KCNQ1: variants seen among roughly 807,000 people sequenced by gnomAD.
KCNQ1 encodes potassium voltage-gated channel subfamily Q member 1, also known as potassium voltage-gated channel subfamily KQT member 1.
KCNQ1 carries 49 observed loss-of-function variants against 72.4 expected under a neutral mutation model. The observed-to-expected ratio is 0.68, with a 90% CI of 0.54 to 0.86. KCNQ1 has a LOEUF of 0.86. Among genes scored for constraint, KCNQ1 ranks in the 40% least tolerant of loss-of-function variants. The probability of loss-of-function intolerance (pLI) is 0.00; values close to 1 mark genes in which losing one functional copy is unlikely to be tolerated. For synonymous variants in KCNQ1, 450 were observed against 412.6 expected, an observed-to-expected ratio of 1.09 and a Z score of -1.10; for missense variants, 790 against 945.1, an observed-to-expected ratio of 0.84 and a Z score of 2.15.
At chr11:2,742,888 A>G (rs2237875) in intron 11 of KCNQ1, among the ~76,000 whole-genome samples, 17,003 of 152,098 alleles carry the variant, frequency 0.11, 1,512 homozygotes, top group East Asian at 0.51. Context: ...CCGAGCCCCC[A>G]CACCTGTGGT....
In KCNQ1 at chr11:2,627,658, TTGTGTGTGTGTATATA is replaced by T. The variant is rs1849282892; in HGVS notation, c.1394-34291_1394-34276del. The T allele has an allele frequency of 7.5e-6, 3 of 398,484 alleles. No individual in the cohort carries two copies. Among genetic ancestry groups the T allele is most frequent in the East Asian group, 7.1e-5 (2 of 28,072 alleles). 24.7% of individuals were successfully genotyped at this position (398,484 alleles called of 1,614,324 possible). On this transcript the variant is annotated intron_variant, in intron 10 of 15. Coordinates refer to ENST00000155840, the MANE Select transcript of KCNQ1 (RefSeq NM_000218.3). This position sits in a 1 kb window ranked among gnomAD's most constrained non-coding sequence, Gnocchi z 4.9. ...TGCTTTTTAAAGGATGAATATTTCA[TTGTGTGTGTGTATATA>T]TGTGTGTGTGTGTGTCTGTATGTAT...
At chr11:2,774,076 A>G (rs916625783) in intron 12 of KCNQ1, among the ~76,000 whole-genome samples, 1 of 151,978 alleles carries the variant, frequency 6.6e-6, no homozygotes, top group African/African-American at 2.4e-5. Context: ...AAGAGAACTC[A>G]GTATCTCCAT....
In KCNQ1 at chr11:2,687,140, C is replaced by T. The variant is rs151209; in HGVS notation, c.1514+25059C>T. 1 of 398,664 alleles carries T rather than the reference C, an allele frequency of 2.5e-6. No homozygotes were observed. The highest frequency in any genetic ancestry group is 4.4e-5 in the Admixed American group (1 of 22,748). 24.7% of individuals were successfully genotyped at this position (398,664 alleles called of 1,614,324 possible). ...CAAACTGCACAGGGAGGGGAGGAAT[C>T]TGAGCCAGCTTCCTCCACAAAGCAC... is the stretch of plus-strand genomic sequence containing the variant. On this transcript the variant is annotated intron_variant, in intron 11 of 15. Transcript: ENST00000155840. The surrounding 1 kb of genome is among the most constrained non-coding windows in gnomAD (Gnocchi z 5.0).
chr11:2,634,293 A>G (rs1298981928), intron 10 of KCNQ1: 3 of 323,008 alleles, frequency 9.3e-6, no homozygotes, highest in Non-Finnish European at 1.1e-5. Context: ...TACCTTAGGT[A>G]TATCTCCTAA....
At position 2,781,900 on chromosome 11, in the gene KCNQ1, C is replaced by T. The variant is rs567920161; in HGVS notation, c.1794+3863C>T. 2.0e-5 allele frequency among the ~76,000 whole-genome samples: 3 copies of T among 152,108 alleles called. No individual in the cohort carries two copies. Among genetic ancestry groups the T allele is most frequent in the Non-Finnish European group, 4.4e-5 (3 of 68,020 alleles). On this transcript the variant is annotated intron_variant, in intron 15 of 15. Coordinates refer to ENST00000155840, the MANE Select transcript of KCNQ1 (RefSeq NM_000218.3). The surrounding 1 kb of genome is among the most constrained non-coding windows in gnomAD (Gnocchi z 6.6). ...CACCTGACACTCCTTTCACTGCCTCCGGTCGCAGAATCCAGGCCTCCAGGA... is the reference window on the plus strand; with the variant it reads ...CACCTGACACTCCTTTCACTGCCTCTGGTCGCAGAATCCAGGCCTCCAGGA...
rs187692255 is a variant in KCNQ1, at chr11:2,735,558, C to T, written c.1515-33286C>T. Among the ~76,000 whole-genome samples, 14 of 152,290 alleles carry T rather than the reference C, an allele frequency of 9.2e-5. No homozygotes were observed. Among genetic ancestry groups the T allele is most frequent in the African/African-American group, 3.4e-4 (14 of 41,544 alleles). The stretch of plus-strand genomic sequence containing the variant: ...TAGGGCCTGGCCCACCACCCTCTCC[C>T]TCCTCACCATTTTCTGTTGAGCACA... On this transcript the variant is annotated intron_variant, in intron 11 of 15. Transcript: ENST00000155840. This position sits in a 1 kb window ranked among gnomAD's most constrained non-coding sequence, Gnocchi z 7.7.
intron 10 of KCNQ1, chr11:2,618,622 G>A (rs2133800728): frequency 2.5e-6 from 1 of 398,546 alleles, no homozygotes; most frequent in East Asian, 3.6e-5. Context: ...AAACCAGAAA[G>A]TATGAAGTCT....
chr11:2,810,903 C>G (rs9971505), intron 15 of KCNQ1, among the ~76,000 whole-genome samples: 18,485 of 152,236 alleles, frequency 0.12, 1,298 homozygotes, highest in African/African-American at 0.19. Flanking sequence ...GGACGCTCTG[C>G]TGTGGCAGAG....
At position 2,746,996 on chromosome 11, in the gene KCNQ1, G is replaced by A. The variant is rs1003994217; in HGVS notation, c.1515-21848G>A. Among the ~76,000 whole-genome samples the A allele has an allele frequency of 1.1e-4, 17 of 152,194 alleles. No individual in the cohort carries two copies. The highest frequency in any genetic ancestry group is 2.1e-4 in the Non-Finnish European group (14 of 68,032). On this transcript the variant is annotated intron_variant, in intron 11 of 15. Transcript: ENST00000155840. This position sits in a 1 kb window ranked among gnomAD's most constrained non-coding sequence, Gnocchi z 5.9. The stretch of plus-strand genomic sequence containing the variant: ...CAGGCAGCCTGGGTAATGGGCCACC[G>A]CCCCAGGCAGGCGTGGGAATCCACA...
At position 2,703,190 on chromosome 11, in the gene KCNQ1, C is replaced by CA. The variant is rs1850848729; in HGVS notation, c.1514+41110dup. Among the ~76,000 whole-genome samples the CA allele has an allele frequency of 6.6e-6, 1 of 152,168 alleles. No homozygotes were observed. The highest frequency in any genetic ancestry group is 1.5e-5 in the Non-Finnish European group (1 of 68,036). On this transcript the variant is annotated intron_variant, in intron 11 of 15. Coordinates refer to ENST00000155840, the MANE Select transcript of KCNQ1 (RefSeq NM_000218.3). The surrounding 1 kb of genome is among the most constrained non-coding windows in gnomAD (Gnocchi z 6.4). ...CAGAATTCTGGGAGGGGGCTGCAGT[C>CA]ACGGCCAGCTCCCTTTCTGAATTGT...
intron 15 of KCNQ1, among the ~76,000 whole-genome samples, chr11:2,833,313 G>A (rs1322345484): frequency 1.3e-5 from 2 of 152,188 alleles, no homozygotes; most frequent in African/African-American, 2.4e-5. Flanking sequence ...CAGCCAAGCC[G>A]GGCCAGTGCC....
At chr11:2,644,711 T>G (rs1849640078) in intron 10 of KCNQ1, 1 of 398,640 alleles carries the variant, frequency 2.5e-6, no homozygotes, top group Non-Finnish European at 4.4e-6. Flanking sequence ...AAGAGAGTCT[T>G]GTTCCTGAAG....
chr11:2,492,496 T>G lies in KCNQ1; in HGVS notation c.387-35432T>G, dbSNP rs1846852112. 6.6e-6 allele frequency among the ~76,000 whole-genome samples: 1 copy of G among 152,326 alleles called. No individual in the cohort carries two copies. Among genetic ancestry groups the G allele is most frequent in the South Asian group, 2.1e-4 (1 of 4,828 alleles). On this transcript the variant is annotated intron_variant, in intron 1 of 15. Coordinates refer to ENST00000155840, the MANE Select transcript of KCNQ1 (RefSeq NM_000218.3). This position sits in a 1 kb window ranked among gnomAD's most constrained non-coding sequence, Gnocchi z 4.1. ...TACATGCATTAGGTATTTGTCCTAA[T>G]GCTCTCCCTCCCCTTGGCCCCCATC...
rs142811920 is a variant in KCNQ1, at chr11:2,782,428, T to A, written c.1794+4391T>A. ...ATTTTCCTGTCTTGTATGGTCTTCA[T>A]CAGGCTTTGGTGTCAAATGTATGTG... On this transcript the variant is annotated intron_variant, in intron 15 of 15. Transcript: ENST00000155840. This position sits in a 1 kb window ranked among gnomAD's most constrained non-coding sequence, Gnocchi z 6.1. Among the ~76,000 whole-genome samples, 101 of 152,394 alleles carry A rather than the reference T, an allele frequency of 6.6e-4. 3 individuals are homozygous for A. The East Asian group carries it at 0.016, about 24-fold the overall frequency.
At chr11:2,686,155 C>T (rs939701774) in intron 11 of KCNQ1, 2 of 398,764 alleles carry the variant, frequency 5.0e-6, no homozygotes, top group East Asian at 3.6e-5. Flanking sequence ...GGGTTTGCTT[C>T]GCCTTTCTGA....
At chr11:2,733,826 T>TCA (rs1845900977) in intron 11 of KCNQ1, among the ~76,000 whole-genome samples, 6 of 30,028 alleles carry the variant, frequency 2.0e-4, no homozygotes, top group African/African-American at 5.8e-4. Flanking sequence ...TCTCTCACTC[T>TCA]CTCTCTCTCT....
chr11:2,625,506 TAAAC>T (rs1849247771), intron 10 of KCNQ1: 1 of 398,486 alleles, frequency 2.5e-6, no homozygotes, highest in African/African-American at 2.1e-5. Context: ...CTAGAGATGT[TAAAC>T]AACTTTTCAC....
chr11:2,838,442 GAGGGTTAGAGCCTATGACTGAC>G (rs1247758217), intron 15 of KCNQ1, among the ~76,000 whole-genome samples: 1 of 121,832 alleles, frequency 8.2e-6, no homozygotes, highest in Non-Finnish European at 2.0e-5. Flanking sequence ...CGGAGCCACT[GAGGGTTAGAGCCTATGACTGAC>G]AGGGGTCTGA....
chr11:2,519,940 C>T (rs927856334), intron 1 of KCNQ1, among the ~76,000 whole-genome samples: 13 of 152,198 alleles, frequency 8.5e-5, no homozygotes, highest in Middle Eastern at 3.2e-3. Flanking sequence ...ACAGATTCAA[C>T]AAAGGAGGAT....
Sources: gnomAD v4.1 joint callset for allele counts (sites outside exome capture counted in the v4.1 genomes callset) on GRCh38, gnomAD v4.1.1 for gene constraint, Gnocchi (gnomAD v3.1) non-coding constraint, MANE v1.5 for transcripts, NCBI Gene and HGNC (gene_info 2026-07-23, HGNC 2026-07-21) for gene names.